Variants in FSTL5 observed in about 807,000 individuals in gnomAD.
FSTL5 encodes follistatin like 5.
Under a neutral mutation model 89.1 loss-of-function variants are expected in FSTL5, and 62 were observed. The observed-to-expected ratio is 0.70, with a 90% confidence interval of 0.57 to 0.86. The LOEUF (loss-of-function observed/expected upper bound fraction) is 0.86. Among genes scored for constraint, FSTL5 ranks in the 40% least tolerant of loss-of-function variants. The pLI is 0.00. For missense variants in FSTL5, 1,057 were observed against 1,001.6 expected (o/e 1.06, Z -0.75); for synonymous variants, 383 against 346.2 (o/e 1.11, Z -1.18).
intron 6 of FSTL5, among the ~76,000 whole-genome samples, chr4:161,748,199 C>T (rs1740268092): frequency 6.6e-6 from 1 of 152,072 alleles, no homozygotes; most frequent in Admixed American, 6.5e-5. Flanking sequence ...ACAAATTATT[C>T]TGCTCCTTGT....
At chr4:162,041,138 G>C (rs2111224580) in intron 2 of FSTL5, among the ~76,000 whole-genome samples, 1 of 147,130 alleles carries the variant, frequency 6.8e-6, no homozygotes, top group South Asian at 2.1e-4. Context: ...TTCTTAACTT[G>C]GGCAGCTGAA....
chr4:162,056,076 T>A (rs956151726), intron 2 of FSTL5, among the ~76,000 whole-genome samples: 3 of 151,820 alleles, frequency 2.0e-5, no homozygotes, highest in Non-Finnish European at 4.4e-5. Flanking sequence ...CCTGTAGAAA[T>A]ATTGATAGTT....
intron 3 of FSTL5, among the ~76,000 whole-genome samples, chr4:161,926,191 G>A (rs528469817): frequency 3.9e-5 from 6 of 151,982 alleles, no homozygotes; most frequent in African/African-American, 1.2e-4. Context: ...TAATTGGGAT[G>A]TGTGTTTCCT....
chr4:162,056,761 T>C (rs909426462), intron 2 of FSTL5, among the ~76,000 whole-genome samples: 3 of 152,128 alleles, frequency 2.0e-5, no homozygotes, highest in Admixed American at 1.3e-4. Context: ...TGGGGAGAGG[T>C]AGAGACTTAA....
At chr4:161,587,413 G>A (rs779440250) in intron 8 of FSTL5, 42 bp downstream of exon 8, 2 of 1,594,000 alleles carry the variant, frequency 1.3e-6, no homozygotes, top group South Asian at 2.2e-5. Flanking sequence ...AGTAAACTAT[G>A]GTGTTCTTTG....
At chr4:161,873,187 C>A (rs1732330580) in intron 4 of FSTL5, among the ~76,000 whole-genome samples, 1 of 152,076 alleles carries the variant, frequency 6.6e-6, no homozygotes, top group Non-Finnish European at 1.5e-5. Context: ...AGGTGCCCTG[C>A]CCTGGCCCAA....
chr4:161,424,646 T>C (rs1020080137), intron 15 of FSTL5, among the ~76,000 whole-genome samples: 1 of 152,158 alleles, frequency 6.6e-6, no homozygotes, highest in African/African-American at 2.4e-5. Context: ...TTCATTATGT[T>C]GATAAGATTT....
chr4:161,913,398 A>G (rs1292871465), intron 4 of FSTL5, among the ~76,000 whole-genome samples: 1 of 152,154 alleles, frequency 6.6e-6, no homozygotes, highest in Non-Finnish European at 1.5e-5. Flanking sequence ...CACTCCAGCC[A>G]TGGCTGAAAG....
At chr4:161,482,066 A>T (rs1220306249) in intron 12 of FSTL5, among the ~76,000 whole-genome samples, 1 of 152,186 alleles carries the variant, frequency 6.6e-6, no homozygotes, top group Non-Finnish European at 1.5e-5. Context: ...CACGCCTGTA[A>T]TCCCAGCACT....
intron 3 of FSTL5, among the ~76,000 whole-genome samples, chr4:162,028,512 G>A (rs964541214): frequency 4.6e-5 from 7 of 152,166 alleles, no homozygotes; most frequent in African/African-American, 1.4e-4. Context: ...AGGAGGCGGA[G>A]GTTGCAGTGA....
At chr4:161,813,762 T>C (rs1213680321) in intron 4 of FSTL5, among the ~76,000 whole-genome samples, 3 of 152,212 alleles carry the variant, frequency 2.0e-5, no homozygotes, top group African/African-American at 7.2e-5. Flanking sequence ...ATTGTTTATT[T>C]CATTATTCTA....
At chr4:161,781,788 T>C (rs1032875093) in intron 4 of FSTL5, among the ~76,000 whole-genome samples, 3 of 152,232 alleles carry the variant, frequency 2.0e-5, no homozygotes, top group African/African-American at 7.2e-5. Flanking sequence ...AAGTTCTTGA[T>C]GTTGTACATT....
intron 4 of FSTL5, among the ~76,000 whole-genome samples, chr4:161,875,271 A>G (rs1732406341): frequency 1.3e-5 from 2 of 152,146 alleles, no homozygotes; most frequent in African/African-American, 4.8e-5. Flanking sequence ...ACTCCCCTTG[A>G]GTTTTTATGC....
At chr4:161,457,685 T>G (rs1206939008) in intron 14 of FSTL5, among the ~76,000 whole-genome samples, 1 of 152,120 alleles carries the variant, frequency 6.6e-6, no homozygotes, top group African/African-American at 2.4e-5. Context: ...TATGTTATAC[T>G]AATCTTAAAG....
chr4:161,618,864 A>G (rs1472967425), intron 7 of FSTL5, among the ~76,000 whole-genome samples: 1 of 152,232 alleles, frequency 6.6e-6, no homozygotes, highest in Non-Finnish European at 1.5e-5. Flanking sequence ...GACACCAAAA[A>G]AGAGCCTGCA....
At position 161,581,970 on chromosome 4, in the gene FSTL5, A is replaced by G. The variant is rs915664934; in HGVS notation, c.1015+5485T>C. Among the ~76,000 whole-genome samples the G allele has an allele frequency of 5.1e-4, 78 of 152,358 alleles. 1 individual carries two copies. The highest frequency in any genetic ancestry group is 1.8e-3 in the African/African-American group (74 of 41,584). On this transcript the variant is annotated intron_variant, in intron 8 of 15. Coordinates refer to ENST00000306100, the MANE Select transcript of FSTL5 (RefSeq NM_020116.5). ...ATGTAAAAAGAGAAAGAAAAGCATG[A>G]AATGAAATCCCCTGGTAGAGTCAAG... is the stretch of plus-strand genomic sequence containing the variant.
At chr4:161,832,024 G>T (rs1432826485) in intron 4 of FSTL5, among the ~76,000 whole-genome samples, 1 of 151,942 alleles carries the variant, frequency 6.6e-6, no homozygotes, top group Non-Finnish European at 1.5e-5. Flanking sequence ...ATGTGCTAGG[G>T]ACAGGTAATA....
chr4:161,759,619 GTTCAT>G (rs1244176942), intron 5 of FSTL5, 88 bp from the exon 6 acceptor site: 2 of 824,194 alleles, frequency 2.4e-6, no homozygotes, highest in Non-Finnish European at 3.4e-6. Context: ...TCACATAATA[GTTCAT>G]TTCATGTCTG....
chr4:161,784,982 A>G (rs767895474), intron 4 of FSTL5, among the ~76,000 whole-genome samples: 1 of 152,016 alleles, frequency 6.6e-6, no homozygotes, highest in Non-Finnish European at 1.5e-5. Context: ...TTAACCCGAT[A>G]CTTACACAGT....
Sources: allele counts gnomAD v4.1 joint callset (sites outside exome capture counted in the v4.1 genomes callset), GRCh38; gene constraint gnomAD v4.1.1; transcripts MANE v1.5; gene names NCBI Gene and HGNC (gene_info 2026-07-23, HGNC 2026-07-21).